Variants in KCTD8 observed in about 807,000 individuals in gnomAD.
The protein encoded by KCTD8 is potassium channel tetramerization domain containing 8, also known as BTB/POZ domain-containing protein KCTD8.
A neutral mutation model predicts 31.5 loss-of-function variants in KCTD8; 27 were observed. The ratio of observed to expected loss-of-function variants is 0.86; its 90% CI spans 0.63 to 1.18. KCTD8 has a LOEUF of 1.18. KCTD8 is among the 50% of genes most tolerant of loss of function. The pLI, the probability that KCTD8 is intolerant of heterozygous loss-of-function variation, is 0.00. For missense variants in KCTD8, 658 were observed against 647.7 expected (o/e 1.02, Z -0.17); for synonymous variants, 290 against 280.0 (o/e 1.04, Z -0.36).
intron 1 of KCTD8, among the ~76,000 whole-genome samples, chr4:44,257,318 T>C (rs1716018941): frequency 6.6e-6 from 1 of 151,998 alleles, no homozygotes; most frequent in Admixed American, 6.6e-5. Context: ...TTTAAAACAT[T>C]GTTTTAAATT....
intron 1 of KCTD8, among the ~76,000 whole-genome samples, chr4:44,183,106 A>G (rs1026490565): frequency 2.0e-5 from 3 of 152,214 alleles, no homozygotes; most frequent in Non-Finnish European, 4.4e-5. Context: ...CGTAACACCT[A>G]TGCACATATG....
intron 1 of KCTD8, among the ~76,000 whole-genome samples, chr4:44,346,899 G>C (rs1344116411): frequency 6.6e-6 from 1 of 152,208 alleles, no homozygotes; most frequent in South Asian, 2.1e-4. Context: ...TTTGGAAGGA[G>C]AGAAAAAGAC....
At chr4:44,313,034 T>C (rs1173289238) in intron 1 of KCTD8, among the ~76,000 whole-genome samples, 1 of 152,162 alleles carries the variant, frequency 6.6e-6, no homozygotes, top group Non-Finnish European at 1.5e-5. Flanking sequence ...TTCATAATCA[T>C]CTCTCATAAA....
At chr4:44,435,097 T>C (rs1347898770) in intron 1 of KCTD8, among the ~76,000 whole-genome samples, 4 of 151,956 alleles carry the variant, frequency 2.6e-5, no homozygotes, top group Non-Finnish European at 5.9e-5. Flanking sequence ...TAGAATAGCT[T>C]CTAATCTACT....
chr4:44,269,060 C>G (rs894861055), intron 1 of KCTD8, among the ~76,000 whole-genome samples: 1 of 152,060 alleles, frequency 6.6e-6, no homozygotes, highest in South Asian at 2.1e-4. Flanking sequence ...CATATGGAAC[C>G]AAAAAAGAGC....
chr4:44,204,220 T>C (rs962550420), intron 1 of KCTD8, among the ~76,000 whole-genome samples: 1 of 152,130 alleles, frequency 6.6e-6, no homozygotes, highest in Non-Finnish European at 1.5e-5. Flanking sequence ...CAGAGTGAAG[T>C]ATCAGAAGTA....
intron 1 of KCTD8, among the ~76,000 whole-genome samples, chr4:44,399,563 G>A (rs73247537): frequency 0.15 from 22,606 of 152,100 alleles, 1,865 homozygotes; most frequent in Non-Finnish European, 0.18. Context: ...CTTTATAAAG[G>A]ATTAGAAAAA....
chr4:44,214,464 C>A (rs1469286337), intron 1 of KCTD8, among the ~76,000 whole-genome samples: 1 of 152,180 alleles, frequency 6.6e-6, no homozygotes, highest in Non-Finnish European at 1.5e-5. Flanking sequence ...ATATCAATAA[C>A]CTGTACATAC....
chr4:44,284,877 A>G (rs188657592), intron 1 of KCTD8, among the ~76,000 whole-genome samples: 275 of 152,346 alleles, frequency 1.8e-3, no homozygotes, highest in Middle Eastern at 3.4e-3. Flanking sequence ...AAAAATGCTC[A>G]TCATCACTGG....
At chr4:44,439,900 T>TTTTATTTATTTATTTATTTA (rs59211244) in intron 1 of KCTD8, among the ~76,000 whole-genome samples, 1 of 133,370 alleles carries the variant, frequency 7.5e-6, no homozygotes, top group African/African-American at 2.9e-5. Context: ...AATCATTTAT[T>TTTTATTTATTTATTTATTTA]TTTATTTATT....
chr4:44,277,714 T>C (rs917329381), intron 1 of KCTD8, among the ~76,000 whole-genome samples: 2 of 151,890 alleles, frequency 1.3e-5, no homozygotes, highest in African/African-American at 2.4e-5. Flanking sequence ...TCCTAAACAT[T>C]TTACGTGCAT....
At chr4:44,391,070 C>T (rs1240775444) in intron 1 of KCTD8, among the ~76,000 whole-genome samples, 2 of 151,906 alleles carry the variant, frequency 1.3e-5, no homozygotes, top group Non-Finnish European at 2.9e-5. Flanking sequence ...AGTGAAGTAA[C>T]TCAGGAATGG....
chr4:44,215,615 T>G (rs1714625413), intron 1 of KCTD8, among the ~76,000 whole-genome samples: 1 of 152,220 alleles, frequency 6.6e-6, no homozygotes, highest in Non-Finnish European at 1.5e-5. Flanking sequence ...CTTCAGAGAC[T>G]TAACAGATAA....
intron 1 of KCTD8, among the ~76,000 whole-genome samples, chr4:44,242,573 G>A (rs1019630868): frequency 1.3e-5 from 2 of 150,616 alleles, no homozygotes; most frequent in African/African-American, 5.0e-5. Flanking sequence ...GCGGGATTCC[G>A]TCTCAAAAAC....
chr4:44,414,027 G>A (rs1187434939), intron 1 of KCTD8, among the ~76,000 whole-genome samples: 1 of 152,148 alleles, frequency 6.6e-6, no homozygotes, highest in Non-Finnish European at 1.5e-5. Flanking sequence ...TGAGCCTCCA[G>A]AAGAAACCCA....
intron 1 of KCTD8, among the ~76,000 whole-genome samples, chr4:44,294,149 C>G (rs1230057072): frequency 1.3e-5 from 2 of 152,032 alleles, no homozygotes; most frequent in African/African-American, 2.4e-5. Context: ...GACACATGCA[C>G]GTTCTCTATA....
At chr4:44,316,352 T>G (rs1477626819) in intron 1 of KCTD8, among the ~76,000 whole-genome samples, 1 of 152,108 alleles carries the variant, frequency 6.6e-6, no homozygotes, top group Non-Finnish European at 1.5e-5. Context: ...TAAGGTTTCT[T>G]TTGTTTTGTT....
chr4:44,186,927 T>TTTTTG (rs1279006364), intron 1 of KCTD8, among the ~76,000 whole-genome samples: 9 of 152,350 alleles, frequency 5.9e-5, no homozygotes, highest in Middle Eastern at 3.4e-3. Context: ...GAGAAGTTTC[T>TTTTTG]TTTTGTTTTA....
intron 1 of KCTD8, among the ~76,000 whole-genome samples, chr4:44,373,623 A>C (rs1178926794): frequency 1.3e-5 from 2 of 152,148 alleles, no homozygotes; most frequent in African/African-American, 2.4e-5. Flanking sequence ...GTTGTTTTTA[A>C]TTATTTTTAA....
Sources: gnomAD v4.1 joint callset for allele counts (sites outside exome capture counted in the v4.1 genomes callset) on GRCh38, gnomAD v4.1.1 for gene constraint, MANE v1.5 for transcripts, NCBI Gene and HGNC (gene_info 2026-07-23, HGNC 2026-07-21) for gene names.